CCDC73: variants seen among roughly 807,000 people sequenced by gnomAD.
The protein encoded by CCDC73 is coiled-coil domain containing 73.
A neutral mutation model predicts 116.5 loss-of-function variants in CCDC73; 95 were observed. The ratio of observed to expected loss-of-function variants is 0.82; its 90% CI spans 0.69 to 0.97. The LOEUF (loss-of-function observed/expected upper bound fraction) is 0.97, where lower values mean the gene tolerates loss of function less well. Among genes scored for constraint, CCDC73 ranks in the 50% least tolerant of loss-of-function variants. CCDC73 has a pLI of 0.00. For synonymous variants in CCDC73, 398 were observed against 401.3 expected (o/e 0.99, Z 0.10); for missense variants, 1,066 against 1,206.8 (o/e 0.88, Z 1.73).
the CCDC73 span, among the ~76,000 whole-genome samples, chr11:32,810,649 A>T: frequency 3.3e-5 from 5 of 152,158 alleles, no homozygotes; most frequent in Non-Finnish European, 7.3e-5. Flanking sequence ...AAAATATGTA[A>T]CGTTTCTCAA....
chr11:32,795,518 A>G (rs1422719213), upstream of CCDC73, among the ~76,000 whole-genome samples: 1 of 152,082 alleles, frequency 6.6e-6, no homozygotes, highest in East Asian at 1.9e-4. Context: ...TGAAATAGAA[A>G]AAAAACTGCA....
At chr11:32,720,257 T>A (rs1337115087) in intron 2 of CCDC73, among the ~76,000 whole-genome samples, 2 of 152,160 alleles carry the variant, frequency 1.3e-5, no homozygotes, top group African/African-American at 4.8e-5. Flanking sequence ...TATAATTTAT[T>A]ACATCAATAC....
At chr11:32,718,751 C>T (rs1357896358) in intron 2 of CCDC73, among the ~76,000 whole-genome samples, 2 of 152,274 alleles carry the variant, frequency 1.3e-5, no homozygotes, top group East Asian at 3.9e-4. Context: ...AAAGTCATCA[C>T]TAAAAATTCT....
chr11:32,698,988 T>C (rs1291519963), intron 6 of CCDC73, among the ~76,000 whole-genome samples: 1 of 152,104 alleles, frequency 6.6e-6, no homozygotes, highest in Non-Finnish European at 1.5e-5. Context: ...ATTTTCCTTA[T>C]GTGTAAAATG....
intron 3 of CCDC73, among the ~76,000 whole-genome samples, chr11:32,705,999 A>C (rs1008862182): frequency 7.3e-6 from 1 of 137,716 alleles, no homozygotes; most frequent in African/African-American, 2.7e-5. Flanking sequence ...CTGTACCCAG[A>C]TCTATATCAG....
chr11:32,777,340 A>G (rs1443940455), intron 1 of CCDC73, among the ~76,000 whole-genome samples: 1 of 151,968 alleles, frequency 6.6e-6, no homozygotes, highest in Non-Finnish European at 1.5e-5. Flanking sequence ...CCTGACCTCA[A>G]GTGATCTGTC....
intron 2 of CCDC73, among the ~76,000 whole-genome samples, chr11:32,749,304 A>T (rs993472687): frequency 6.6e-6 from 1 of 151,936 alleles, no homozygotes; most frequent in African/African-American, 2.4e-5. Flanking sequence ...TTCTGCTATT[A>T]TGAGACTCTG....
rs563636562 is a variant in CCDC73, at chr11:32,634,965, G to A, written c.1185+731C>T. Among the ~76,000 whole-genome samples, 358 of 152,200 alleles carry A rather than the reference G, an allele frequency of 2.4e-3. 3 individuals carry two copies. Among genetic ancestry groups the A allele is most frequent in the African/African-American group, 7.8e-3 (323 of 41,534 alleles). ...AGTAAGACCTTGTCTTGAAAAAAATGTACTTCTATATATAAGCAAAGAACA... is the reference window on the plus strand; with the variant it reads ...AGTAAGACCTTGTCTTGAAAAAAATATACTTCTATATATAAGCAAAGAACA... On this transcript the variant is annotated intron_variant, in intron 14 of 17. Coordinates refer to ENST00000335185, the MANE Select transcript of CCDC73 (RefSeq NM_001008391.4).
At position 32,699,336 on chromosome 11, in the gene CCDC73, A is replaced by C. The variant is rs1849788441; in HGVS notation, c.316-11T>G. ...AAGTTGATATTTTCCCTTTAAGTAA[A>C]AAACTGTATTTCAATACTTTCCAAT... On this transcript the variant is annotated splice_polypyrimidine_tract_variant and intron_variant, in intron 5 of 17. Transcript: ENST00000335185. The C allele has an allele frequency of 6.4e-7, 1 of 1,555,430 alleles. No individual in the cohort carries two copies. The highest frequency in any genetic ancestry group is 1.4e-5 in the African/African-American group (1 of 73,534).
At chr11:32,677,983 A>G (rs938392134) in intron 7 of CCDC73, among the ~76,000 whole-genome samples, 4 of 141,164 alleles carry the variant, frequency 2.8e-5, no homozygotes, top group Non-Finnish European at 6.2e-5. Flanking sequence ...AAAAAAACCC[A>G]CAACCAAAGT....
chr11:32,830,094 G>A, the CCDC73 span: 2 of 990,894 alleles, frequency 2.0e-6, no homozygotes. Flanking sequence ...GCCGGAGACC[G>A]AGGGCCTGGC....
At chr11:32,762,942 G>C (rs1850404842) in intron 1 of CCDC73, among the ~76,000 whole-genome samples, 1 of 152,192 alleles carries the variant, frequency 6.6e-6, no homozygotes, top group African/African-American at 2.4e-5. Flanking sequence ...CGGCACACCA[G>C]GAAATTATAT....
chr11:32,776,149 C>A (rs1850530561), intron 1 of CCDC73, among the ~76,000 whole-genome samples: 1 of 152,078 alleles, frequency 6.6e-6, no homozygotes, highest in African/African-American at 2.4e-5. Context: ...GTTTGTTCTT[C>A]CTTCTAATTT....
At chr11:32,789,851 A>G (rs1288700005) in intron 1 of CCDC73, among the ~76,000 whole-genome samples, 1 of 152,186 alleles carries the variant, frequency 6.6e-6, no homozygotes, top group Non-Finnish European at 1.5e-5. Flanking sequence ...TTATAATACA[A>G]TGTGATCATG....
the CCDC73 span, among the ~76,000 whole-genome samples, chr11:32,816,200 T>G: frequency 6.6e-6 from 1 of 152,182 alleles, no homozygotes; most frequent in Non-Finnish European, 1.5e-5. Context: ...TGAGATAATA[T>G]GTCTGGAACA....
chr11:32,621,941 A>G (rs1156868181), intron 14 of CCDC73, among the ~76,000 whole-genome samples: 1 of 152,246 alleles, frequency 6.6e-6, no homozygotes, highest in African/African-American at 2.4e-5. Flanking sequence ...GAGAAATGCA[A>G]ATCAAAACCA....
chr11:32,662,374 A>G (rs918525647), intron 9 of CCDC73, among the ~76,000 whole-genome samples: 1 of 152,184 alleles, frequency 6.6e-6, no homozygotes, highest in Non-Finnish European at 1.5e-5. Flanking sequence ...AATGATCGCC[A>G]TTCTAACTGG....
chr11:32,766,982 T>C (rs111392177), intron 1 of CCDC73, among the ~76,000 whole-genome samples: 3 of 152,326 alleles, frequency 2.0e-5, no homozygotes, highest in African/African-American at 7.2e-5. Flanking sequence ...TTAAAGTTCA[T>C]ATGGAATCAA....
At chr11:32,617,296 A>C (rs1190939842) in intron 14 of CCDC73, among the ~76,000 whole-genome samples, 1 of 152,242 alleles carries the variant, frequency 6.6e-6, no homozygotes, top group Non-Finnish European at 1.5e-5. Context: ...GTACAAAAAA[A>C]ATGGACTAAC....
Sources: gnomAD v4.1 joint callset for allele counts (sites outside exome capture counted in the v4.1 genomes callset) on GRCh38, gnomAD v4.1.1 for gene constraint, MANE v1.5 for transcripts, NCBI Gene and HGNC (gene_info 2026-07-23, HGNC 2026-07-21) for gene names.